The following NKAIN2 variants were observed in gnomAD, a reference collection of about 807,000 sequenced individuals.
The protein encoded by NKAIN2 is sodium/potassium transporting ATPase interacting 2.
NKAIN2 carries 14 observed loss-of-function variants against 32.6 expected under a neutral mutation model. The ratio of observed to expected loss-of-function variants is 0.43; its 90% confidence interval spans 0.28 to 0.67. The LOEUF is 0.67. Ranked by LOEUF, NKAIN2 falls within the 30% of genes least tolerant of loss-of-function variation. The pLI, the probability that NKAIN2 is intolerant of heterozygous loss-of-function variation, is 0.17. For synonymous variants in NKAIN2, 80 were observed against 87.2 expected (o/e 0.92, Z 0.46); for missense variants, 198 against 258.3 (o/e 0.77, Z 1.60).
intron 3 of NKAIN2, among the ~76,000 whole-genome samples, chr6:124,578,006 G>T (rs1489371375): frequency 6.6e-6 from 1 of 152,112 alleles, no homozygotes; most frequent in Non-Finnish European, 1.5e-5. Flanking sequence ...GTCCTGGCAG[G>T]ATTCATCAGC....
chr6:124,808,524 A>G (rs1393032054), intron 5 of NKAIN2, among the ~76,000 whole-genome samples: 1 of 152,182 alleles, frequency 6.6e-6, no homozygotes, highest in African/African-American at 2.4e-5. Context: ...CACAGCCAAT[A>G]TCATACTGAA....
chr6:124,022,956 T>C (rs1780936354), intron 1 of NKAIN2, among the ~76,000 whole-genome samples: 1 of 151,950 alleles, frequency 6.6e-6, no homozygotes, highest in Non-Finnish European at 1.5e-5. Flanking sequence ...CCTAGCAGTA[T>C]GTGGGGGCAC....
intron 1 of NKAIN2, among the ~76,000 whole-genome samples, chr6:123,893,476 G>A (rs1458062921): frequency 6.6e-6 from 1 of 152,114 alleles, no homozygotes; most frequent in Non-Finnish European, 1.5e-5. Flanking sequence ...TATAATGGTA[G>A]GATTAAAGTC....
chr6:124,355,793 T>C (rs899749855), intron 3 of NKAIN2, among the ~76,000 whole-genome samples: 10 of 152,172 alleles, frequency 6.6e-5, no homozygotes, highest in African/African-American at 2.2e-4. Flanking sequence ...GTATATAATA[T>C]GTTATAGAAA....
chr6:124,623,173 G>C (rs910549562), intron 3 of NKAIN2, among the ~76,000 whole-genome samples: 57 of 152,086 alleles, frequency 3.7e-4, no homozygotes, highest in African/African-American at 1.3e-3. Flanking sequence ...AGATAATTGG[G>C]GAGGCATCAT....
chr6:123,957,057 G>A (rs922256395), intron 1 of NKAIN2, among the ~76,000 whole-genome samples: 5 of 151,988 alleles, frequency 3.3e-5, no homozygotes, highest in African/African-American at 7.2e-5. Flanking sequence ...TATTTCTCCC[G>A]ATCTTCTCCA....
At chr6:124,496,852 A>G (rs1423330645) in intron 3 of NKAIN2, among the ~76,000 whole-genome samples, 1 of 152,140 alleles carries the variant, frequency 6.6e-6, no homozygotes, top group African/African-American at 2.4e-5. Context: ...ACGCCCCTAA[A>G]CATCCTCTTT....
chr6:124,410,718 G>C (rs965214578), intron 3 of NKAIN2, among the ~76,000 whole-genome samples: 2 of 152,274 alleles, frequency 1.3e-5, no homozygotes, highest in East Asian at 3.9e-4. Context: ...AGGTCCGCTT[G>C]GTGCAGAGCT....
At chr6:124,597,439 T>C (rs1333775278) in intron 3 of NKAIN2, among the ~76,000 whole-genome samples, 1 of 151,940 alleles carries the variant, frequency 6.6e-6, no homozygotes, top group African/African-American at 2.4e-5. Flanking sequence ...TCAGTAGGCA[T>C]CCTCTATCTT....
intron 5 of NKAIN2, among the ~76,000 whole-genome samples, chr6:124,812,694 C>T (rs368726222): frequency 2.9e-4 from 44 of 152,186 alleles, no homozygotes; most frequent in African/African-American, 1.0e-3. Context: ...TTAAATACTA[C>T]ATTTCCAAAA....
intron 3 of NKAIN2, among the ~76,000 whole-genome samples, chr6:124,367,971 C>T (rs1799596835): frequency 6.6e-6 from 1 of 152,030 alleles, no homozygotes; most frequent in African/African-American, 2.4e-5. Context: ...CCATGGAACT[C>T]TTAATGCTGG....
At chr6:124,619,020 T>G (rs2115012345) in intron 3 of NKAIN2, among the ~76,000 whole-genome samples, 1 of 152,180 alleles carries the variant, frequency 6.6e-6, no homozygotes, top group African/African-American at 2.4e-5. Context: ...AATCTAAGGT[T>G]TCCACAAAAT....
At chr6:123,960,881 G>A (rs934734021) in intron 1 of NKAIN2, among the ~76,000 whole-genome samples, 4 of 151,662 alleles carry the variant, frequency 2.6e-5, no homozygotes, top group Admixed American at 6.6e-5. Flanking sequence ...ACTTTTTTTC[G>A]GGGATTAGCA....
intron 3 of NKAIN2, among the ~76,000 whole-genome samples, chr6:124,381,095 A>G (rs1772614305): frequency 6.6e-6 from 1 of 152,196 alleles, no homozygotes; most frequent in African/African-American, 2.4e-5. Flanking sequence ...CCAAAGCAAG[A>G]TGTGACAAAA....
At chr6:124,785,609 G>T (rs1779463768) in intron 4 of NKAIN2, among the ~76,000 whole-genome samples, 1 of 152,124 alleles carries the variant, frequency 6.6e-6, no homozygotes, top group Non-Finnish European at 1.5e-5. Flanking sequence ...AGAAGTCCAG[G>T]GTTCCCACTT....
chr6:123,933,891 AC>A (rs1420081347), intron 1 of NKAIN2, among the ~76,000 whole-genome samples: 7 of 152,228 alleles, frequency 4.6e-5, no homozygotes, highest in African/African-American at 1.7e-4. Flanking sequence ...ATGGCAGCAG[AC>A]AAAATTACTG....
chr6:124,658,269 A>G lies in NKAIN2; in HGVS notation c.357A>G (p.Ser119=), dbSNP rs1418691058. The G allele has an allele frequency of 6.2e-7, 1 of 1,613,978 alleles. No individual in the cohort carries two copies. The highest frequency in any genetic ancestry group is 8.5e-7 in the Non-Finnish European group (1 of 1,179,972). Reference sequence around the variant, plus strand: ...ATGGACCAGGATGTACGGTGACGTCAGTGACACCTGCCCCAGACTGGGCCC... The same window carrying G: ...ATGGACCAGGATGTACGGTGACGTCGGTGACACCTGCCCCAGACTGGGCCC... ...MENGPGCTVT[S]VTPAPDWAPE... Residue 119 remains serine (S), a synonymous_variant, in exon 4 of 7, where the codon TCA becomes TCG. Coordinates refer to ENST00000368417, the MANE Select transcript of NKAIN2 (RefSeq NM_001040214.3).
intron 3 of NKAIN2, among the ~76,000 whole-genome samples, chr6:124,653,083 C>T (rs1346492194): frequency 6.6e-6 from 1 of 152,068 alleles, no homozygotes; most frequent in Non-Finnish European, 1.5e-5. Context: ...TTCAGTTAAT[C>T]CCAGCTTGAT....
intron 3 of NKAIN2, among the ~76,000 whole-genome samples, chr6:124,403,345 C>T (rs1426674601): frequency 6.6e-6 from 1 of 152,016 alleles, no homozygotes; most frequent in Non-Finnish European, 1.5e-5. Context: ...TCTAAATTTA[C>T]TAATTCTAAT....
Sources: allele counts gnomAD v4.1 joint callset (sites outside exome capture counted in the v4.1 genomes callset), GRCh38; gene constraint gnomAD v4.1.1; transcripts MANE v1.5; gene names NCBI Gene and HGNC (gene_info 2026-07-23, HGNC 2026-07-21).